The following EYS variants were observed in gnomAD, a reference collection of about 807,000 sequenced individuals.
EYS encodes EGF-like photoreceptor maintenance factor.
A neutral mutation model predicts 282.1 loss-of-function variants in EYS; 250 were observed. The ratio of observed to expected loss-of-function variants is 0.89; its 90% confidence interval spans 0.80 to 0.98. The LOEUF (loss-of-function observed/expected upper bound fraction) is 0.98. EYS is among the 50% of genes least tolerant of loss of function. The pLI is 0.00. For missense variants in EYS, 4,016 were observed against 3,709.0 expected (o/e 1.08, Z -2.15); for synonymous variants, 1,355 against 1,282.9 (o/e 1.06, Z -1.20).
chr6:64,801,973 T>C (rs1007017519), intron 22 of EYS, among the ~76,000 whole-genome samples: 4 of 149,500 alleles, frequency 2.7e-5, no homozygotes, highest in Non-Finnish European at 5.9e-5. Context: ...TGCTATTTAA[T>C]AAATGGGGAT....
chr6:64,679,469 C>T lies in EYS; in HGVS notation c.3444-53224G>A, dbSNP rs529673239. 6.6e-5 allele frequency among the ~76,000 whole-genome samples: 10 copies of T among 152,218 alleles called. No individual in the cohort carries two copies. The South Asian group carries it at 8.3e-4, about 13-fold the overall frequency. ...CATTTGGATTGTTTCCAATCTCTTACCATTATATATAATACTGCTGGGAAA... is the reference window on the plus strand; with the variant it reads ...CATTTGGATTGTTTCCAATCTCTTATCATTATATATAATACTGCTGGGAAA... On this transcript the variant is annotated intron_variant, in intron 22 of 42. Coordinates refer to ENST00000503581, the MANE Select transcript of EYS (RefSeq NM_001142800.2).
chr6:64,046,654 G>A (rs1770637348), intron 33 of EYS, among the ~76,000 whole-genome samples: 1 of 151,932 alleles, frequency 6.6e-6, no homozygotes, highest in African/African-American at 2.4e-5. Context: ...CTGCCTAAGT[G>A]TCTTTAAAAA....
intron 24 of EYS, among the ~76,000 whole-genome samples, chr6:64,609,610 A>G (rs77620926): frequency 1.3e-5 from 2 of 149,218 alleles, no homozygotes. Context: ...TTGTACAGAC[A>G]TTGTGGCTCA....
At chr6:64,329,435 C>T (rs2150389445) in intron 29 of EYS, among the ~76,000 whole-genome samples, 1 of 152,194 alleles carries the variant, frequency 6.6e-6, no homozygotes, top group South Asian at 2.1e-4. Context: ...CGCTTACTGT[C>T]CCAACAACAG....
intron 1 of EYS, among the ~76,000 whole-genome samples, chr6:65,646,723 A>T (rs1408194957): frequency 1.3e-5 from 2 of 152,156 alleles, no homozygotes; most frequent in Non-Finnish European, 2.9e-5. Context: ...GTAAAGAGGA[A>T]GTCAAACTGT....
intron 18 of EYS, among the ~76,000 whole-genome samples, chr6:64,900,253 C>T (rs1158961790): frequency 2.6e-5 from 4 of 152,030 alleles, no homozygotes; most frequent in African/African-American, 7.2e-5. Context: ...AAGATTAAAA[C>T]GTAAGATCTA....
intron 35 of EYS, among the ~76,000 whole-genome samples, chr6:63,887,503 A>C (rs1018931924): frequency 3.9e-5 from 6 of 151,962 alleles, no homozygotes; most frequent in Non-Finnish European, 7.4e-5. Context: ...CAGCCCACAG[A>C]GGGTGGGCAG....
At chr6:64,696,866 G>T (rs539907077) in intron 22 of EYS, among the ~76,000 whole-genome samples, 2 of 152,110 alleles carry the variant, frequency 1.3e-5, no homozygotes, top group Admixed American at 1.3e-4. Context: ...GAAATAAAAA[G>T]TTGATACCAG....
At chr6:65,550,153 T>TCA in intron 2 of EYS, among the ~76,000 whole-genome samples, 1 of 8,222 alleles carries the variant, frequency 1.2e-4, no homozygotes, top group Non-Finnish European at 1.6e-4. Context: ...CTTTTTTTTT[T>TCA]TTTTTTTTTT....
intron 11 of EYS, among the ~76,000 whole-genome samples, chr6:65,312,396 T>C (rs1331367261): frequency 1.3e-5 from 2 of 152,094 alleles, no homozygotes; most frequent in Non-Finnish European, 2.9e-5. Flanking sequence ...TCTGTGAAGT[T>C]AGGAAAACTA....
At chr6:64,140,315 TTGATGATAC>T (rs1774300575) in intron 31 of EYS, among the ~76,000 whole-genome samples, 1 of 152,212 alleles carries the variant, frequency 6.6e-6, no homozygotes. Context: ...TTTGAGGCTT[TTGATGATAC>T]TGAATTAATT....
At chr6:64,899,723 T>C (rs1436075866) in intron 18 of EYS, among the ~76,000 whole-genome samples, 1 of 151,712 alleles carries the variant, frequency 6.6e-6, no homozygotes. Context: ...CTCAAGGAAA[T>C]AAGAAAGGAC....
intron 12 of EYS, among the ~76,000 whole-genome samples, chr6:65,206,798 GA>G (rs938601515): frequency 6.6e-6 from 1 of 151,836 alleles, no homozygotes; most frequent in Middle Eastern, 3.4e-3. Flanking sequence ...AATAGATTCA[GA>G]AAAAGTATTT....
intron 26 of EYS, among the ~76,000 whole-genome samples, chr6:64,569,971 A>T (rs1010010891): frequency 4.6e-5 from 7 of 152,144 alleles, no homozygotes; most frequent in African/African-American, 1.4e-4. Context: ...GAGAAGAGTA[A>T]CCCCAAGTAG....
chr6:64,618,052 A>ATAAG (rs1248223026), intron 23 of EYS, among the ~76,000 whole-genome samples: 1 of 152,174 alleles, frequency 6.6e-6, no homozygotes, highest in African/African-American at 2.4e-5. Context: ...TCTATAGAAT[A>ATAAG]TAAGTATTGT....
chr6:63,891,306 T>A (rs948786251), intron 35 of EYS, among the ~76,000 whole-genome samples: 3 of 152,134 alleles, frequency 2.0e-5, no homozygotes, highest in Admixed American at 1.3e-4. Flanking sequence ...CAGGCCAATA[T>A]CCCTGATGAA....
chr6:64,093,554 T>C (rs1424146976), intron 31 of EYS, among the ~76,000 whole-genome samples: 2 of 152,152 alleles, frequency 1.3e-5, no homozygotes, highest in East Asian at 3.9e-4. Context: ...GGCTCTCTGT[T>C]TGTCTGTTGT....
chr6:65,395,140 C>T (rs910956892), intron 7 of EYS, among the ~76,000 whole-genome samples: 11 of 152,146 alleles, frequency 7.2e-5, no homozygotes, highest in Admixed American at 2.0e-4. Flanking sequence ...CTTAGCTCAC[C>T]GCAACCTCTG....
intron 29 of EYS, among the ~76,000 whole-genome samples, chr6:64,344,701 C>A (rs59095601): frequency 0.031 from 4,731 of 151,996 alleles, 235 homozygotes; most frequent in African/African-American, 0.11. Context: ...CTGGCCAGGG[C>A]AATCAGGCAG....
Sources: allele counts gnomAD v4.1 joint callset (sites outside exome capture counted in the v4.1 genomes callset), GRCh38; gene constraint gnomAD v4.1.1; transcripts MANE v1.5; gene names NCBI Gene and HGNC (gene_info 2026-07-23, HGNC 2026-07-21).